Variants in OTUD7A observed in about 807,000 individuals in gnomAD.
OTUD7A encodes OTU deubiquitinase 7A.
A neutral mutation model predicts 65.7 loss-of-function variants in OTUD7A; 12 were observed. The ratio of observed to expected loss-of-function variants is 0.18; its 90% CI spans 0.12 to 0.30. The LOEUF (loss-of-function observed/expected upper bound fraction) is 0.30, where lower values mean the gene tolerates loss of function less well. Ranked by LOEUF, OTUD7A falls within the 10% of genes least tolerant of loss-of-function variation. The probability of loss-of-function intolerance (pLI) is 1.00; values close to 1 mark genes in which losing one functional copy is unlikely to be tolerated. For missense variants in OTUD7A, 1,148 were observed against 1,304.8 expected, an observed-to-expected ratio of 0.88 and a Z score of 1.85; for synonymous variants, 641 against 586.3, an observed-to-expected ratio of 1.09 and a Z score of -1.35.
chr15:31,626,688 G>C (rs542481852), intron 3 of OTUD7A, among the ~76,000 whole-genome samples: 45 of 152,176 alleles, frequency 3.0e-4, no homozygotes, highest in African/African-American at 1.0e-3. Flanking sequence ...TGATTCTCCT[G>C]CCTCAGCCTC....
intron 1 of OTUD7A, among the ~76,000 whole-genome samples, chr15:31,733,321 C>G (rs1454980315): frequency 6.6e-6 from 1 of 152,210 alleles, no homozygotes; most frequent in East Asian, 1.9e-4. Flanking sequence ...CGACCCTCCA[C>G]CAACACCCCC....
chr15:31,731,930 T>A lies in OTUD7A; in HGVS notation c.-99-74853A>T, dbSNP rs78809575. Among the ~76,000 whole-genome samples the A allele has an allele frequency of 8.2e-3, 1,246 of 152,128 alleles. 17 individuals are homozygous for A. The highest frequency in any genetic ancestry group is 0.029 in the African/African-American group (1,190 of 41,480). ...TTATCCTCAATGAAAAAATATATAA[T>A]CACATAAACAGACATTTCCCTTTCA... On this transcript the variant is annotated intron_variant, in intron 1 of 12. Coordinates refer to ENST00000307050, the MANE Select transcript of OTUD7A (RefSeq NM_001382637.1).
intron 1 of OTUD7A, among the ~76,000 whole-genome samples, chr15:31,764,541 AAGAACCTTGTTTTAAGATGAG>A (rs1372087317): frequency 6.6e-6 from 1 of 152,164 alleles, no homozygotes; most frequent in Non-Finnish European, 1.5e-5. Context: ...GCAGAAACTG[AAGAACCTTGTTTTAAGATGAG>A]AGTCATTTAT....
intron 1 of OTUD7A, among the ~76,000 whole-genome samples, chr15:31,721,316 A>G (rs1893733955): frequency 6.6e-6 from 1 of 152,022 alleles, no homozygotes; most frequent in African/African-American, 2.4e-5. Flanking sequence ...ATGGTTTACA[A>G]CTGGGGAGAA....
At chr15:31,576,778 A>G (rs1159108323) in intron 3 of OTUD7A, among the ~76,000 whole-genome samples, 1 of 152,196 alleles carries the variant, frequency 6.6e-6, no homozygotes, top group Non-Finnish European at 1.5e-5. Flanking sequence ...TGAAGGGCAT[A>G]AAAGTTAAAC....
In OTUD7A at chr15:31,563,060, AT is replaced by A. The variant is rs758661341; in HGVS notation, c.332-3874del. Reference sequence around the variant, plus strand: ...TAGGATTATGCTGGGATAGAGTCCTATTTTTTTTTTCTTAAATGATATCTAA... The same window carrying A: ...TAGGATTATGCTGGGATAGAGTCCTATTTTTTTTTCTTAAATGATATCTAA... On this transcript the variant is annotated intron_variant, in intron 4 of 12. Coordinates refer to ENST00000307050, the MANE Select transcript of OTUD7A (RefSeq NM_001382637.1). 3.1e-4 allele frequency among the ~76,000 whole-genome samples: 47 copies of A among 150,182 alleles called. No homozygotes were observed. In the East Asian group the frequency reaches 6.6e-3, roughly 21 times the overall value.
chr15:31,806,151 G>C (rs1246325777), intron 1 of OTUD7A, among the ~76,000 whole-genome samples: 1 of 152,146 alleles, frequency 6.6e-6, no homozygotes, highest in Non-Finnish European at 1.5e-5. Context: ...TCAGTCCAGA[G>C]AACTAAGATC....
At chr15:31,834,715 G>T (rs1455933595) in intron 1 of OTUD7A, among the ~76,000 whole-genome samples, 1 of 152,212 alleles carries the variant, frequency 6.6e-6, no homozygotes. Context: ...GACAACTTAA[G>T]TAAAGCATGC....
chr15:31,782,032 C>G (rs1308002783), intron 1 of OTUD7A, among the ~76,000 whole-genome samples: 5 of 152,122 alleles, frequency 3.3e-5, no homozygotes, highest in Admixed American at 3.3e-4. Context: ...ACTGTTTATC[C>G]CAGTACTTCA....
At chr15:31,704,406 T>TTG (rs1893280834) in intron 1 of OTUD7A, among the ~76,000 whole-genome samples, 1 of 115,376 alleles carries the variant, frequency 8.7e-6, no homozygotes, top group African/African-American at 2.8e-5. Flanking sequence ...CACTTTTTTT[T>TTG]TTTATCTTAC....
At chr15:31,823,546 C>T (rs919424614) in intron 1 of OTUD7A, among the ~76,000 whole-genome samples, 43 of 152,292 alleles carry the variant, frequency 2.8e-4, no homozygotes, top group African/African-American at 9.9e-4. Flanking sequence ...ATCCTTACAG[C>T]AAAGAATAGG....
chr15:31,476,667 G>C lies in OTUD7A; in HGVS notation c.*6627C>G, dbSNP rs1261457514. 4 of 152,402 alleles carry C rather than the reference G, an allele frequency of 2.6e-5. No homozygotes were observed. The highest frequency in any genetic ancestry group is 6.8e-3 in the Middle Eastern group (2 of 294). 9.4% of individuals were successfully genotyped at this position (152,402 alleles called of 1,614,324 possible). A position where few individuals can be genotyped will look rare whatever the true frequency, so the allele number is the denominator to read the frequency against. Reference sequence around the variant, plus strand: ...CAGCTGCAGAGAGGGCATCACGATGGAGACCTTATGCCCCCTCCCACGAGG... The same window carrying C: ...CAGCTGCAGAGAGGGCATCACGATGCAGACCTTATGCCCCCTCCCACGAGG... On this transcript the variant is annotated 3_prime_UTR_variant, in exon 13 of 13. Coordinates refer to ENST00000307050, the MANE Select transcript of OTUD7A (RefSeq NM_001382637.1).
rs1595690868 is a variant in OTUD7A, at chr15:31,658,533, G to A, written c.-99-1456C>T. On this transcript the variant is annotated intron_variant, in intron 1 of 12. Coordinates refer to ENST00000307050, the MANE Select transcript of OTUD7A (RefSeq NM_001382637.1). ...CAGGCCATGACTGCAGGGACTCTGTGGGAACTATGAGCCCCCTGAGCCTTC... is the reference window on the plus strand; with the variant it reads ...CAGGCCATGACTGCAGGGACTCTGTAGGAACTATGAGCCCCCTGAGCCTTC... 2.6e-5 allele frequency among the ~76,000 whole-genome samples: 4 copies of A among 152,100 alleles called. 1 individual carries two copies. In the South Asian group the frequency reaches 8.3e-4, roughly 32 times the overall value.
chr15:31,559,769 GAC>G (rs1239423597), intron 4 of OTUD7A, among the ~76,000 whole-genome samples: 17 of 151,982 alleles, frequency 1.1e-4, no homozygotes, highest in South Asian at 2.1e-4. Flanking sequence ...AAATACACAG[GAC>G]ACACAGCGCA....
At chr15:31,714,096 T>A (rs111564907) in intron 1 of OTUD7A, among the ~76,000 whole-genome samples, 58,320 of 130,678 alleles carry the variant, frequency 0.45, 15,390 homozygotes, top group Middle Eastern at 0.63. Context: ...ATCCTACACA[T>A]CCCCTGTAAG....
chr15:31,717,289 G>A (rs1201892342), intron 1 of OTUD7A, among the ~76,000 whole-genome samples: 1 of 152,070 alleles, frequency 6.6e-6, no homozygotes, highest in Non-Finnish European at 1.5e-5. Flanking sequence ...TGTGCAGAAG[G>A]TGCAGGTTTG....
At chr15:31,709,780 G>C (rs186290465) in intron 1 of OTUD7A, among the ~76,000 whole-genome samples, 183 of 152,076 alleles carry the variant, frequency 1.2e-3, no homozygotes, top group African/African-American at 4.4e-3. Context: ...CTTAAAAAAT[G>C]TTTTTGTATG....
intron 1 of OTUD7A, among the ~76,000 whole-genome samples, chr15:31,806,615 C>G (rs956438784): frequency 6.6e-6 from 1 of 152,220 alleles, no homozygotes; most frequent in African/African-American, 2.4e-5. Context: ...TCCTGGGGGT[C>G]AAAGGCTGAT....
At chr15:31,661,667 ATCTC>A (rs1200657186) in intron 1 of OTUD7A, among the ~76,000 whole-genome samples, 3 of 152,174 alleles carry the variant, frequency 2.0e-5, no homozygotes, top group Non-Finnish European at 4.4e-5. Context: ...AACTACTTCC[ATCTC>A]TCTCTAAGAC....
Sources: gnomAD v4.1 joint callset for allele counts (sites outside exome capture counted in the v4.1 genomes callset) on GRCh38, gnomAD v4.1.1 for gene constraint, MANE v1.5 for transcripts, NCBI Gene and HGNC (gene_info 2026-07-23, HGNC 2026-07-21) for gene names.